TANGO6: variants seen among roughly 807,000 people sequenced by gnomAD.
TANGO6 encodes transport and Golgi organization protein 6 homolog.
In TANGO6, 90 loss-of-function variants were observed where a neutral mutation model predicts 114.2. That is an observed-to-expected ratio of 0.79 (90% CI 0.66 to 0.94). TANGO6 has a LOEUF of 0.94. Ranked by LOEUF, TANGO6 falls within the 40% of genes least tolerant of loss-of-function variation. The pLI, the probability that TANGO6 is intolerant of heterozygous loss-of-function variation, is 0.00. For synonymous variants in TANGO6, 477 were observed against 509.8 expected (o/e 0.94, Z 0.87); for missense variants, 1,274 against 1,315.3 (o/e 0.97, Z 0.49).
intron 17 of TANGO6, among the ~76,000 whole-genome samples, chr16:69,040,853 A>G (rs542131672): frequency 6.6e-6 from 1 of 152,214 alleles, no homozygotes; most frequent in East Asian, 1.9e-4. Flanking sequence ...ATGACATGTT[A>G]GGTGCTGCAT....
intron 14 of TANGO6, among the ~76,000 whole-genome samples, chr16:68,960,693 G>A (rs1017099959): frequency 6.6e-6 from 1 of 152,094 alleles, no homozygotes; most frequent in East Asian, 1.9e-4. Context: ...TAGAAACGGG[G>A]TTTCACCATG....
At chr16:69,028,659 T>A (rs1473951798) in intron 16 of TANGO6, among the ~76,000 whole-genome samples, 1 of 151,524 alleles carries the variant, frequency 6.6e-6, no homozygotes, top group Non-Finnish European at 1.5e-5. Flanking sequence ...TAAAAAAAAA[T>A]AAAGTGTACA....
chr16:69,067,155 C>A (rs1025493390), intron 17 of TANGO6, among the ~76,000 whole-genome samples: 3 of 152,180 alleles, frequency 2.0e-5, no homozygotes, highest in Non-Finnish European at 4.4e-5. Context: ...CCTTTACCTC[C>A]CGAAGTGCCG....
intron 14 of TANGO6, among the ~76,000 whole-genome samples, chr16:68,942,633 A>C (rs998222917): frequency 2.0e-5 from 3 of 152,200 alleles, no homozygotes; most frequent in African/African-American, 7.2e-5. Context: ...ATACAGAATC[A>C]AATTATATTG....
intron 7 of TANGO6, 97 bp from the exon 8 acceptor site, chr16:68,900,337 C>A: frequency 1.1e-6 from 1 of 915,808 alleles, no homozygotes; most frequent in South Asian, 1.5e-5. Context: ...TGAGATATTG[C>A]TTAAGACGCT....
At chr16:68,916,647 G>C (rs1468353258) in intron 11 of TANGO6, among the ~76,000 whole-genome samples, 2 of 152,086 alleles carry the variant, frequency 1.3e-5, no homozygotes, top group Admixed American at 6.6e-5. Context: ...CAAAATGTCG[G>C]GAGTGAGTCA....
At chr16:69,061,185 A>G (rs1960110651) in intron 17 of TANGO6, among the ~76,000 whole-genome samples, 1 of 152,228 alleles carries the variant, frequency 6.6e-6, no homozygotes, top group South Asian at 2.1e-4. Flanking sequence ...TGGACCTGCT[A>G]TCACCAAATC....
At chr16:69,046,396 T>C (rs927105201) in intron 17 of TANGO6, among the ~76,000 whole-genome samples, 3 of 151,878 alleles carry the variant, frequency 2.0e-5, no homozygotes, top group African/African-American at 7.2e-5. Flanking sequence ...CTCGGCTCAC[T>C]GCAACGTCTG....
chr16:68,919,132 G>A lies in TANGO6; in HGVS notation c.2040G>A (p.Leu680=), dbSNP rs754797051. The A allele has an allele frequency of 1.9e-6, 3 of 1,613,160 alleles. No homozygotes were observed. The East Asian group carries it at 6.7e-5, about 36-fold the overall frequency. The change falls in exon 12 of 18, where the codon CTG becomes CTA. Residue 680 remains leucine (L), a synonymous_variant. Coordinates refer to ENST00000261778, the MANE Select transcript of TANGO6 (RefSeq NM_024562.2). ...AATLQRACAS[L]AHQAESTVES... ...CATTGCAGAGAGCCTGTGCAAGCCT[G>A]GCCCATCAGGCAGAGAGCACCGTGG... is the stretch of plus-strand genomic sequence containing the variant.
Position 68,902,402 on chromosome 16 carries a change from G to C in TANGO6, c.1565G>C (p.Gly522Ala), listed in dbSNP as rs199618030. The change falls in exon 9 of 18, where the codon GGA becomes GCA. Residue 522 changes from glycine (G) to alanine (A), a missense_variant. Coordinates refer to ENST00000261778, the MANE Select transcript of TANGO6 (RefSeq NM_024562.2). ...ERKKAIASLK[G>A]FAGLDKAVPS... Reference sequence around the variant, plus strand: ...AAGAAGGCAATTGCCAGCCTGAAAGGATTTGCAGGGTTGGACAAAGCTGTG... The same window carrying C: ...AAGAAGGCAATTGCCAGCCTGAAAGCATTTGCAGGGTTGGACAAAGCTGTG... 9 of 1,613,756 alleles carry C rather than the reference G, an allele frequency of 5.6e-6. No homozygotes were observed. Among genetic ancestry groups the C allele is most frequent in the African/African-American group, 2.7e-5 (2 of 74,908 alleles).
rs201984589 is a variant in TANGO6 at position 68,988,782 on chromosome 16, C to G, written c.2842+14614C>G. ...TGTTACAATCACAGCTCACTGCAGC[C>G]TGAAACTCCAGGGCTCAAGTGGTCC... is the stretch of plus-strand genomic sequence containing the variant. On this transcript the variant is annotated intron_variant, in intron 15 of 17. Transcript: ENST00000261778. 9.9e-5 allele frequency among the ~76,000 whole-genome samples: 15 copies of G among 150,788 alleles called. No homozygotes were observed. In the East Asian group the frequency reaches 2.7e-3, roughly 27 times the overall value.
chr16:68,854,969 G>T (rs556137822), intron 1 of TANGO6, among the ~76,000 whole-genome samples: 2 of 151,118 alleles, frequency 1.3e-5, no homozygotes, highest in South Asian at 4.2e-4. Context: ...TAATTGCGTT[G>T]ACTTTATAGA....
intron 16 of TANGO6, among the ~76,000 whole-genome samples, chr16:69,032,432 AT>A (rs1201768995): frequency 6.6e-6 from 1 of 151,354 alleles, no homozygotes. Context: ...TGCCCAGCTA[AT>A]TTTTTTCTAT....
At chr16:68,869,965 C>G (rs1413476898) in intron 4 of TANGO6, among the ~76,000 whole-genome samples, 1 of 152,058 alleles carries the variant, frequency 6.6e-6, no homozygotes, top group South Asian at 2.1e-4. Flanking sequence ...CTCAGGGAGG[C>G]CTGATAGGCT....
At chr16:69,063,843 T>TATA (rs1555530183) in intron 17 of TANGO6, among the ~76,000 whole-genome samples, 13 of 146,294 alleles carry the variant, frequency 8.9e-5, no homozygotes, top group Non-Finnish European at 1.8e-4. Context: ...TTATTATTAT[T>TATA]ATATTATTTT....
At chr16:68,938,774 T>G (rs1486749523) in intron 14 of TANGO6, among the ~76,000 whole-genome samples, 1 of 152,036 alleles carries the variant, frequency 6.6e-6, no homozygotes, top group Non-Finnish European at 1.5e-5. Flanking sequence ...GAAGGAAAAG[T>G]GTTCCTAGGG....
chr16:69,044,222 G>T (rs971011540), intron 17 of TANGO6, among the ~76,000 whole-genome samples: 1 of 152,056 alleles, frequency 6.6e-6, no homozygotes, highest in Non-Finnish European at 1.5e-5. Context: ...GCACCATCAC[G>T]CTCAGCTAAT....
chr16:68,908,967 A>T (rs542802583), intron 10 of TANGO6, among the ~76,000 whole-genome samples: 1 of 152,324 alleles, frequency 6.6e-6, no homozygotes, highest in East Asian at 1.9e-4. Context: ...ATCTATCTAT[A>T]TTGATACCCA....
intron 2 of TANGO6, among the ~76,000 whole-genome samples, chr16:68,860,920 T>C (rs923358952): frequency 2.0e-5 from 3 of 152,234 alleles, no homozygotes; most frequent in African/African-American, 7.2e-5. Context: ...ATTAGTATCA[T>C]GGCTCCCTCA....
Sources: gnomAD v4.1 joint callset for allele counts (sites outside exome capture counted in the v4.1 genomes callset) on GRCh38, gnomAD v4.1.1 for gene constraint, MANE v1.5 for transcripts, NCBI Gene and HGNC (gene_info 2026-07-23, HGNC 2026-07-21) for gene names.